GABRB2: variants seen among roughly 807,000 people sequenced by gnomAD.
GABRB2 encodes the protein gamma-aminobutyric acid type A receptor subunit beta2, also known as gamma-aminobutyric acid receptor subunit beta-2.
A neutral mutation model predicts 54.7 loss-of-function variants in GABRB2; 16 were observed. The ratio of observed to expected loss-of-function variants is 0.29; its 90% CI spans 0.20 to 0.44. The LOEUF (loss-of-function observed/expected upper bound fraction) is 0.44. Ranked by LOEUF, GABRB2 falls within the 20% of genes least tolerant of loss-of-function variation. The probability of loss-of-function intolerance (pLI) is 1.00; values close to 1 mark genes in which losing one functional copy is unlikely to be tolerated. For synonymous variants in GABRB2, 244 were observed against 233.8 expected, an observed-to-expected ratio of 1.04 and a Z score of -0.40; for missense variants, 355 against 644.0, an observed-to-expected ratio of 0.55 and a Z score of 4.86.
In GABRB2 at chr5:161,334,864, T is replaced by C. The variant is rs756982726; in HGVS notation, c.720A>G (p.Arg240=). 10 of 1,614,062 alleles carry C rather than the reference T, an allele frequency of 6.2e-6. No homozygotes were observed. The South Asian group carries it at 6.6e-5, about 11-fold the overall frequency. The change falls in exon 7 of 10, where the codon AGA becomes AGG. Residue 240 remains arginine (R), a synonymous_variant. Transcript: ENST00000393959. ...PRLSLSFKLK[R]NIGYFILQTY... Reference sequence around the variant, plus strand: ...TTTGCAGGATAAAGTAGCCAATGTTTCTCTTAAGCTTAAAGCTGAGGGATA... The same window carrying C: ...TTTGCAGGATAAAGTAGCCAATGTTCCTCTTAAGCTTAAAGCTGAGGGATA...
At chr5:161,415,774 A>G (rs1756646794) in intron 4 of GABRB2, among the ~76,000 whole-genome samples, 1 of 151,520 alleles carries the variant, frequency 6.6e-6, no homozygotes. Flanking sequence ...CACCACACCC[A>G]GCTAATTTTT....
chr5:161,420,465 G>A (rs542218605), intron 4 of GABRB2, among the ~76,000 whole-genome samples: 28 of 152,274 alleles, frequency 1.8e-4, no homozygotes, highest in Non-Finnish European at 2.6e-4. Flanking sequence ...TTGGACTTCC[G>A]AAACAGGCTC....
At chr5:161,432,099 T>G (rs1295123061) in intron 4 of GABRB2, among the ~76,000 whole-genome samples, 5 of 152,208 alleles carry the variant, frequency 3.3e-5, no homozygotes, top group Non-Finnish European at 7.3e-5. Context: ...GCTTTAACAA[T>G]GTGAGCCTGA....
chr5:161,309,080 TGA>T (rs1441883079), intron 9 of GABRB2, among the ~76,000 whole-genome samples: 10 of 152,192 alleles, frequency 6.6e-5, no homozygotes, highest in African/African-American at 2.4e-4. Flanking sequence ...ACTTACAGAA[TGA>T]GAGAACATTT....
intron 4 of GABRB2, among the ~76,000 whole-genome samples, chr5:161,422,606 A>G (rs780372721): frequency 1.3e-5 from 2 of 152,150 alleles, no homozygotes; most frequent in East Asian, 3.8e-4. Context: ...TTGTTTTCTT[A>G]TATTTTCTAC....
chr5:161,521,234 G>C (rs766276227), intron 3 of GABRB2, among the ~76,000 whole-genome samples: 9 of 151,832 alleles, frequency 5.9e-5, no homozygotes, highest in Non-Finnish European at 1.0e-4. Flanking sequence ...TTTGCCCCAA[G>C]TACCTTACCC....
At chr5:161,431,857 C>T (rs1203063040) in intron 4 of GABRB2, among the ~76,000 whole-genome samples, 1 of 152,074 alleles carries the variant, frequency 6.6e-6, no homozygotes, top group Non-Finnish European at 1.5e-5. Flanking sequence ...TGCATAATTA[C>T]TGTAAGATTT....
intron 4 of GABRB2, among the ~76,000 whole-genome samples, chr5:161,458,854 C>A (rs1758040577): frequency 6.6e-6 from 1 of 152,156 alleles, no homozygotes; most frequent in South Asian, 2.1e-4. Context: ...AAGGTAACCA[C>A]ATATTCATGT....
At chr5:161,496,003 C>T (rs1283914875) in intron 3 of GABRB2, among the ~76,000 whole-genome samples, 4 of 152,230 alleles carry the variant, frequency 2.6e-5, no homozygotes, top group Middle Eastern at 3.4e-3. Flanking sequence ...ATAACCCACA[C>T]GGGAAGGTGG....
At chr5:161,416,651 C>A (rs1248051812) in intron 4 of GABRB2, among the ~76,000 whole-genome samples, 3 of 134,004 alleles carry the variant, frequency 2.2e-5, no homozygotes, top group Admixed American at 1.7e-4. Context: ...GAGCCGAGAT[C>A]GCGCCGCTGC....
Position 161,293,967 on chromosome 5 carries a change from A to C in GABRB2, c.*114T>G. On this transcript the variant is annotated 3_prime_UTR_variant, in exon 10 of 10. Coordinates refer to ENST00000393959, the MANE Select transcript of GABRB2 (RefSeq NM_001371727.1). ...GGACCACAGGATAGGCCAGCAACTA[A>C]GGTATTTTAGCGTCACTTTTGTCCT... 1.3e-6 allele frequency: 1 copy of C among 789,136 alleles called. No homozygotes were observed. The highest frequency in any genetic ancestry group is 2.0e-6 in the Non-Finnish European group (1 of 492,912). The allele number at this position is 789,136 out of a possible 1,614,324, so 48.9% of individuals were successfully genotyped here.
intron 3 of GABRB2, among the ~76,000 whole-genome samples, chr5:161,533,542 TCA>T (rs1457080272): frequency 1.3e-5 from 2 of 152,152 alleles, no homozygotes; most frequent in African/African-American, 4.8e-5. Context: ...CTATTTAAAT[TCA>T]GTTATTTATT....
intron 5 of GABRB2, among the ~76,000 whole-genome samples, chr5:161,374,722 T>A (rs998772082): frequency 2.6e-5 from 4 of 152,202 alleles, no homozygotes; most frequent in African/African-American, 9.6e-5. Context: ...TCACTGTATA[T>A]TGCTTAGCAG....
chr5:161,507,966 A>T (rs948745979), intron 3 of GABRB2, among the ~76,000 whole-genome samples: 3 of 152,004 alleles, frequency 2.0e-5, no homozygotes, highest in Admixed American at 6.6e-5. Flanking sequence ...TTAAACATAC[A>T]TCTACACCAA....
intron 3 of GABRB2, among the ~76,000 whole-genome samples, chr5:161,464,051 G>T (rs1385364628): frequency 6.6e-6 from 1 of 151,826 alleles, no homozygotes; most frequent in East Asian, 1.9e-4. Flanking sequence ...AGACTTCTTA[G>T]ATACAAACCT....
intron 3 of GABRB2, among the ~76,000 whole-genome samples, chr5:161,521,297 C>T (rs1455837310): frequency 1.3e-5 from 2 of 151,776 alleles, no homozygotes; most frequent in Non-Finnish European, 2.9e-5. Flanking sequence ...TTTTTGTTAC[C>T]TTGATTATAC....
chr5:161,463,636 A>AAAG (rs1186062135), intron 3 of GABRB2, among the ~76,000 whole-genome samples: 2 of 70,052 alleles, frequency 2.9e-5, no homozygotes, highest in East Asian at 9.1e-4. Context: ...GAAAGAGAAA[A>AAAG]AACAATGCTG....
intron 5 of GABRB2, among the ~76,000 whole-genome samples, chr5:161,391,398 G>C (rs1033986878): frequency 1.3e-5 from 2 of 152,144 alleles, no homozygotes; most frequent in Admixed American, 6.5e-5. Context: ...TGATATCAAA[G>C]AAGGGTTAGT....
At chr5:161,475,247 G>T (rs1758560385) in intron 3 of GABRB2, among the ~76,000 whole-genome samples, 1 of 151,928 alleles carries the variant, frequency 6.6e-6, no homozygotes, top group Non-Finnish European at 1.5e-5. Context: ...TTTGCCCCAA[G>T]ACACACAATT....
Sources: allele counts gnomAD v4.1 joint callset (sites outside exome capture counted in the v4.1 genomes callset), GRCh38; gene constraint gnomAD v4.1.1; transcripts MANE v1.5; gene names NCBI Gene and HGNC (gene_info 2026-07-23, HGNC 2026-07-21).